Variants in NIM1K observed in about 807,000 individuals in gnomAD.
NIM1K encodes the protein serine/threonine-protein kinase NIM1.
NIM1K carries 35 observed loss-of-function variants against 37.1 expected under a neutral mutation model. The ratio of observed to expected loss-of-function variants is 0.94; its 90% CI spans 0.72 to 1.25. The LOEUF (loss-of-function observed/expected upper bound fraction) is 1.25, where lower values mean the gene tolerates loss of function less well. NIM1K is among the 50% of genes most tolerant of loss of function. NIM1K has a pLI of 0.00. For synonymous variants in NIM1K, 234 were observed against 206.6 expected, an observed-to-expected ratio of 1.13 and a Z score of -1.14; for missense variants, 564 against 548.0, an observed-to-expected ratio of 1.03 and a Z score of -0.29.
chr5:43,200,357 G>A (rs760147224), intron 1 of NIM1K, among the ~76,000 whole-genome samples: 1 of 151,686 alleles, frequency 6.6e-6, no homozygotes, highest in Non-Finnish European at 1.5e-5. Context: ...CTGGAGTGCA[G>A]TGACGCGATC....
intron 2 of NIM1K, among the ~76,000 whole-genome samples, chr5:43,251,024 G>C (rs1160690069): frequency 1.3e-5 from 2 of 152,138 alleles, no homozygotes; most frequent in Non-Finnish European, 2.9e-5. Flanking sequence ...ATGATTTTTA[G>C]AATTGTTGGG....
chr5:43,276,106 G>A (rs985386488), intron 2 of NIM1K, among the ~76,000 whole-genome samples: 3 of 152,044 alleles, frequency 2.0e-5, no homozygotes, highest in African/African-American at 7.2e-5. Flanking sequence ...TGTTGGCCAG[G>A]CTGGTCTCAA....
intron 1 of NIM1K, among the ~76,000 whole-genome samples, chr5:43,228,980 C>G (rs1752499836): frequency 6.6e-6 from 1 of 152,188 alleles, no homozygotes; most frequent in African/African-American, 2.4e-5. Context: ...ATAGATGATA[C>G]TGTTTTGTCG....
intron 1 of NIM1K, among the ~76,000 whole-genome samples, chr5:43,198,450 T>G (rs956377926): frequency 6.6e-6 from 1 of 151,550 alleles, no homozygotes; most frequent in Non-Finnish European, 1.5e-5. Flanking sequence ...CTTTCTTTCC[T>G]TCTTTCTATA....
At chr5:43,256,191 C>A (rs1752943341) in intron 2 of NIM1K, among the ~76,000 whole-genome samples, 1 of 152,042 alleles carries the variant, frequency 6.6e-6, no homozygotes, top group African/African-American at 2.4e-5. Flanking sequence ...ATCACTCTGG[C>A]AGCTTTGTTG....
chr5:43,246,909 G>C (rs1752786224), intron 2 of NIM1K, among the ~76,000 whole-genome samples: 1 of 152,112 alleles, frequency 6.6e-6, no homozygotes, highest in Admixed American at 6.6e-5. Flanking sequence ...ACACTTTACA[G>C]CTCGGCATAA....
intron 1 of NIM1K, chr5:43,232,304 T>G (rs1752551314): frequency 4.9e-6 from 6 of 1,212,772 alleles, no homozygotes; most frequent in Admixed American, 3.4e-5. Flanking sequence ...ACTGGCAGTC[T>G]CTGCTACAGA....
intron 1 of NIM1K, among the ~76,000 whole-genome samples, chr5:43,196,659 A>AT (rs1164303139): frequency 1.3e-5 from 2 of 151,864 alleles, no homozygotes; most frequent in African/African-American, 2.4e-5. Context: ...AAATAAATAA[A>AT]AAATAAAAGC....
At chr5:43,269,820 A>G (rs962712230) in intron 2 of NIM1K, among the ~76,000 whole-genome samples, 3 of 151,924 alleles carry the variant, frequency 2.0e-5, no homozygotes, top group East Asian at 1.9e-4. Flanking sequence ...GGGTTTCACC[A>G]TGTTAGCCAG....
intron 1 of NIM1K, among the ~76,000 whole-genome samples, chr5:43,218,975 G>A (rs1752345659): frequency 6.6e-6 from 1 of 152,030 alleles, no homozygotes; most frequent in Non-Finnish European, 1.5e-5. Flanking sequence ...ATTGAATCAT[G>A]GGGAAGGTTT....
intron 2 of NIM1K, among the ~76,000 whole-genome samples, chr5:43,254,754 A>G (rs1399247361): frequency 6.6e-6 from 1 of 152,100 alleles, no homozygotes; most frequent in African/African-American, 2.4e-5. Flanking sequence ...TTTTCTAGAG[A>G]TGAAGTCTCA....
intron 2 of NIM1K, among the ~76,000 whole-genome samples, chr5:43,262,971 G>T (rs182146569): frequency 6.6e-6 from 1 of 152,230 alleles, no homozygotes; most frequent in African/African-American, 2.4e-5. Flanking sequence ...CAACTTGATC[G>T]TGGTGGATAA....
chr5:43,241,444 A>G (rs1007020940), intron 1 of NIM1K, among the ~76,000 whole-genome samples: 2 of 150,568 alleles, frequency 1.3e-5, no homozygotes, highest in African/African-American at 4.9e-5. Context: ...GGTTCAAGTG[A>G]TTCTCTTGCC....
At chr5:43,233,100 G>T in intron 1 of NIM1K, 1 of 1,346,604 alleles carries the variant, frequency 7.4e-7, no homozygotes. Context: ...CATGTTCCAG[G>T]CAGTAGGGCT....
chr5:43,195,793 C>T (rs886072044), intron 1 of NIM1K, among the ~76,000 whole-genome samples: 18 of 151,390 alleles, frequency 1.2e-4, no homozygotes, highest in African/African-American at 3.4e-4. Flanking sequence ...GCATGGATAG[C>T]GGGAAGAATT....
chr5:43,205,140 T>G (rs2112208278), intron 1 of NIM1K, among the ~76,000 whole-genome samples: 1 of 152,340 alleles, frequency 6.6e-6, no homozygotes, highest in African/African-American at 2.4e-5. Context: ...GTGGCCTGTT[T>G]CGTAGTGTTA....
In NIM1K at chr5:43,213,019, C is replaced by A. The variant is rs79318924; in HGVS notation, c.-695+20608C>A. Among the ~76,000 whole-genome samples the A allele has an allele frequency of 9.6e-3, 1,460 of 152,288 alleles. 85 individuals carry two copies. The East Asian group carries it at 0.16, about 17-fold the overall frequency. On this transcript the variant is annotated intron_variant, in intron 1 of 3. Coordinates refer to ENST00000326035, the MANE Select transcript of NIM1K (RefSeq NM_153361.4). ...CTGTTTTTCATCAATATTTAAGCAT[C>A]CACCTTTGCCAGAGGGTGTATTCAG...
At chr5:43,278,413 CTG>C (rs1304485531) in intron 3 of NIM1K, among the ~76,000 whole-genome samples, 2 of 152,216 alleles carry the variant, frequency 1.3e-5, no homozygotes, top group Non-Finnish European at 2.9e-5. Flanking sequence ...AATGCACACT[CTG>C]TAGTTCTCCC....
intron 1 of NIM1K, among the ~76,000 whole-genome samples, chr5:43,234,246 A>T (rs1478721889): frequency 9.9e-5 from 5 of 50,266 alleles, no homozygotes; most frequent in Non-Finnish European, 1.8e-4. Context: ...TCATTCTTTC[A>T]TTCATTCATT....
Sources: gnomAD v4.1 joint callset for allele counts (sites outside exome capture counted in the v4.1 genomes callset) on GRCh38, gnomAD v4.1.1 for gene constraint, MANE v1.5 for transcripts, NCBI Gene and HGNC (gene_info 2026-07-23, HGNC 2026-07-21) for gene names.